NBPF15: variants seen among roughly 807,000 people sequenced by gnomAD.
NBPF15 encodes the protein NBPF member 15.
In NBPF15, 74 loss-of-function variants were observed where a neutral mutation model predicts 62.2. The ratio of observed to expected loss-of-function variants is 1.19; its 90% CI spans 0.99 to 1.44. The LOEUF is 1.44. Ranked by LOEUF, NBPF15 falls within the 40% of genes most tolerant of loss-of-function variation. The pLI is 0.00. For synonymous variants in NBPF15, 244 were observed against 209.7 expected (o/e 1.16, Z -1.41); for missense variants, 790 against 550.0 (o/e 1.44, Z -4.36).
At chr1:144,439,803 C>G in intron 8 of NBPF15, 26 bp downstream of exon 8, 1 of 1,565,128 alleles carries the variant, frequency 6.4e-7, no homozygotes. Flanking sequence ...TCATCACTTT[C>G]ATGACGGTGA....
In NBPF15 at chr1:144,423,806, T is replaced by G. The variant is rs1667516153; in HGVS notation, c.1769+64A>C. The G allele has an allele frequency of 3.4e-5, 25 of 741,734 alleles. No homozygotes were observed. In the South Asian group the frequency reaches 3.5e-4, roughly 10 times the overall value. The allele number at this position is 741,734 out of a possible 1,614,324, so 45.9% of individuals were successfully genotyped here. A position where few individuals can be genotyped will look rare whatever the true frequency, so the allele number is the denominator to read the frequency against. On this transcript the variant is annotated intron_variant, in intron 21 of 21. Coordinates refer to ENST00000581897, the MANE Select transcript of NBPF15 (RefSeq NM_001385408.1). ...ACATGACATCAAACACACTCTGGTTTCCCTGAATCTGTTGCCTCCAGGTGT... is the reference window on the plus strand; with the variant it reads ...ACATGACATCAAACACACTCTGGTTGCCCTGAATCTGTTGCCTCCAGGTGT...
intron 6 of NBPF15, among the ~76,000 whole-genome samples, chr1:144,443,238 A>G (rs1377293401): frequency 3.9e-5 from 6 of 152,038 alleles, no homozygotes; most frequent in African/African-American, 1.2e-4. Flanking sequence ...AATAAAAAAG[A>G]TTCTACTAAA....
At chr1:144,425,092 A>ACC in intron 19 of NBPF15, among the ~76,000 whole-genome samples, 1 of 146,658 alleles carries the variant, frequency 6.8e-6, no homozygotes, top group Non-Finnish European at 1.5e-5. Flanking sequence ...ACACACACAC[A>ACC]CACACACACA....
chr1:144,431,084 C>A (rs1189720497), intron 13 of NBPF15, among the ~76,000 whole-genome samples: 2 of 151,360 alleles, frequency 1.3e-5, no homozygotes, highest in African/African-American at 4.9e-5. Context: ...GTGGAAAGAC[C>A]AAATCTACGT....
At chr1:144,433,097 C>T (rs28869541) in intron 13 of NBPF15, among the ~76,000 whole-genome samples, 2 of 151,980 alleles carry the variant, frequency 1.3e-5, no homozygotes, top group Non-Finnish European at 2.9e-5. Flanking sequence ...GAAATCACAA[C>T]AAACTGTCAG....
intron 16 of NBPF15, 128 bp from the exon 17 acceptor site, chr1:144,427,226 T>C (rs1292841188): frequency 1.5e-6 from 1 of 685,118 alleles, no homozygotes; most frequent in East Asian, 2.6e-5. Flanking sequence ...GTGAGAGATA[T>C]TCTTCAAGAG....
At chr1:144,447,952 C>T (rs1688751245) in intron 6 of NBPF15, among the ~76,000 whole-genome samples, 1 of 151,996 alleles carries the variant, frequency 6.6e-6, no homozygotes, top group African/African-American at 2.4e-5. Flanking sequence ...CCGCACGGCT[C>T]CAGAGTCAGG....
intron 10 of NBPF15, among the ~76,000 whole-genome samples, chr1:144,436,634 T>C (rs1678620241): frequency 6.6e-6 from 1 of 151,972 alleles, no homozygotes; most frequent in Non-Finnish European, 1.5e-5. Context: ...CTCCTTCCTG[T>C]CCTTTAAAAC....
intron 8 of NBPF15, among the ~76,000 whole-genome samples, chr1:144,438,456 T>C (rs1299986681): frequency 6.6e-6 from 1 of 152,078 alleles, no homozygotes; most frequent in East Asian, 1.9e-4. Context: ...ACTGATGGTT[T>C]CCCTTTTACT....
chr1:144,442,686 C>G (rs1330087693), intron 6 of NBPF15: 1 of 161,164 alleles, frequency 6.2e-6, no homozygotes, highest in Non-Finnish European at 1.4e-5. Context: ...TCTGGGCCGC[C>G]ATCCCAGGGA....
chr1:144,442,170 A>G (rs1683627995), intron 6 of NBPF15, among the ~76,000 whole-genome samples: 1 of 116,860 alleles, frequency 8.6e-6, no homozygotes, highest in Admixed American at 9.2e-5. Flanking sequence ...GTGTATATAT[A>G]TATATATATA....
rs587619260 is a variant in NBPF15, at chr1:144,423,875, G to T, written c.1764C>A (p.Cys588Ter). The change falls in exon 21 of 22, where the codon TGC (cysteine) becomes TGA (stop). Residue 588 changes from cysteine (C) to a stop codon, truncating the protein, a stop_gained. Coordinates refer to ENST00000581897, the MANE Select transcript of NBPF15 (RefSeq NM_001385408.1). LOFTEE classifies it high-confidence loss of function. ...CCACAATTGCTGAAAGTTACCTGGG[G>T]CATGGTGGGTTGTCATCTTCCCCTT... Reference protein sequence around the residue: ...RKEGEDDNPPCPRLYGVLMEV... With the variant: ...RKEGEDDNPP 3.9e-6 allele frequency: 3 copies of T among 770,662 alleles called. No individual in the cohort carries two copies. Among genetic ancestry groups the T allele is most frequent in the Admixed American group, 1.7e-5 (1 of 58,964 alleles). The allele number at this position is 770,662 out of a possible 1,614,324, so 47.7% of individuals were successfully genotyped here. A position where few individuals can be genotyped will look rare whatever the true frequency, so the allele number is the denominator to read the frequency against.
At chr1:144,453,328 T>A (rs587765672) in intron 4 of NBPF15, among the ~76,000 whole-genome samples, 1 of 151,886 alleles carries the variant, frequency 6.6e-6, no homozygotes, top group African/African-American at 2.4e-5. Context: ...ATACCCTTTA[T>A]AAAATAAATC....
chr1:144,444,387 T>C (rs1685766566), intron 6 of NBPF15, among the ~76,000 whole-genome samples: 1 of 151,680 alleles, frequency 6.6e-6, no homozygotes, highest in African/African-American at 2.4e-5. Flanking sequence ...ACGAAGGCAT[T>C]CTTAACAGGA....
At chr1:144,455,709 C>A (rs1463596588) in intron 4 of NBPF15, among the ~76,000 whole-genome samples, 1 of 151,986 alleles carries the variant, frequency 6.6e-6, no homozygotes, top group African/African-American at 2.4e-5. Flanking sequence ...CCCACTCCCC[C>A]AGGACCTGGT....
At chr1:144,457,105 G>C (rs1242106732) in intron 3 of NBPF15, among the ~76,000 whole-genome samples, 5 of 151,988 alleles carry the variant, frequency 3.3e-5, no homozygotes, top group African/African-American at 1.2e-4. Flanking sequence ...CTTGAGCCTT[G>C]AATTAGAGGT....
chr1:144,436,598 T>A (rs1269888331), intron 10 of NBPF15, among the ~76,000 whole-genome samples: 2 of 152,000 alleles, frequency 1.3e-5, no homozygotes, highest in Admixed American at 1.3e-4. Flanking sequence ...CTCTTTTCAC[T>A]CTAACAAGCC....
chr1:144,431,992 A>C (rs1225096432), intron 13 of NBPF15, among the ~76,000 whole-genome samples: 3 of 151,528 alleles, frequency 2.0e-5, no homozygotes, highest in Admixed American at 6.6e-5. Context: ...ATTTATAATC[A>C]TTTGGGTACA....
At chr1:144,453,281 A>G (rs1470308847) in intron 4 of NBPF15, among the ~76,000 whole-genome samples, 1 of 151,520 alleles carries the variant, frequency 6.6e-6, no homozygotes, top group East Asian at 1.9e-4. Flanking sequence ...CTGGACAACC[A>G]CATGCAAAAA....
Sources: gnomAD v4.1 joint callset for allele counts (sites outside exome capture counted in the v4.1 genomes callset) on GRCh38, gnomAD v4.1.1 for gene constraint, MANE v1.5 for transcripts, NCBI Gene and HGNC (gene_info 2026-07-23, HGNC 2026-07-21) for gene names.